Variants in RRAS2 observed in about 807,000 individuals in gnomAD.
RRAS2 encodes ras-related protein R-Ras2.
In RRAS2, 7 loss-of-function variants were observed where a neutral mutation model predicts 27.6. That is an observed-to-expected ratio of 0.25 (90% CI 0.14 to 0.48). The LOEUF is 0.48. Among genes scored for constraint, RRAS2 ranks in the 20% least tolerant of loss-of-function variants. The probability of loss-of-function intolerance (pLI) is 0.99; values close to 1 mark genes in which losing one functional copy is unlikely to be tolerated. For missense variants in RRAS2, 178 were observed against 256.2 expected (o/e 0.69, Z 2.08); for synonymous variants, 86 against 90.9 (o/e 0.95, Z 0.31).
At chr11:14,297,422 T>C (rs1462624907) in intron 1 of RRAS2, among the ~76,000 whole-genome samples, 2 of 152,198 alleles carry the variant, frequency 1.3e-5, no homozygotes, top group Non-Finnish European at 2.9e-5. Context: ...ATCTGCCTGA[T>C]ACCATGACTT....
intron 1 of RRAS2, among the ~76,000 whole-genome samples, chr11:14,316,976 C>T (rs1214403088): frequency 6.6e-6 from 1 of 152,088 alleles, no homozygotes; most frequent in Non-Finnish European, 1.5e-5. Flanking sequence ...AGGAGGATGA[C>T]ATCAATTAGA....
chr11:14,314,294 A>C (rs1304298211), intron 1 of RRAS2, among the ~76,000 whole-genome samples: 6 of 152,230 alleles, frequency 3.9e-5, no homozygotes, highest in Non-Finnish European at 7.3e-5. Context: ...AAACATACAA[A>C]TGGGAACTAC....
chr11:14,350,852 A>G (rs549847248), intron 1 of RRAS2, among the ~76,000 whole-genome samples: 2 of 152,352 alleles, frequency 1.3e-5, no homozygotes, highest in South Asian at 4.1e-4. Context: ...ACAAGTGAAC[A>G]ACATATCCAA....
At chr11:14,341,034 T>C (rs1848693942) in intron 1 of RRAS2, among the ~76,000 whole-genome samples, 1 of 152,206 alleles carries the variant, frequency 6.6e-6, no homozygotes, top group African/African-American at 2.4e-5. Context: ...ACGGCATTTT[T>C]TCTAATCCCA....
At chr11:14,311,929 G>A (rs1302671408) in intron 1 of RRAS2, among the ~76,000 whole-genome samples, 1 of 150,954 alleles carries the variant, frequency 6.6e-6, no homozygotes, top group East Asian at 2.0e-4. Flanking sequence ...CAATGGCTCA[G>A]TCTCGGCTCA....
At chr11:14,313,859 T>A (rs576249157) in intron 1 of RRAS2, among the ~76,000 whole-genome samples, 14 of 152,290 alleles carry the variant, frequency 9.2e-5, no homozygotes, top group African/African-American at 3.4e-4. Context: ...ACCACCAAGT[T>A]TGAGGTGGTT....
chr11:14,346,539 A>G (rs1200513017), intron 1 of RRAS2, among the ~76,000 whole-genome samples: 2 of 152,254 alleles, frequency 1.3e-5, no homozygotes, highest in Non-Finnish European at 1.5e-5. Flanking sequence ...TTGGGACCCA[A>G]TAATTTTATA....
In RRAS2 at chr11:14,294,784, A is replaced by C; in HGVS notation, c.275T>G (p.Val92Gly). The C allele has an allele frequency of 6.2e-7, 1 of 1,613,792 alleles. No homozygotes were observed. The highest frequency in any genetic ancestry group is 8.5e-7 in the Non-Finnish European group (1 of 1,179,896). The change falls in exon 3 of 6, where the codon GTC (valine) becomes GGC (glycine). Residue 92 changes from valine (V) to glycine (G), a missense_variant. Physicochemically the swap from Val to Gly is moderately radical, Grantham distance 109. Coordinates refer to ENST00000256196, the MANE Select transcript of RRAS2 (RefSeq NM_012250.6). The part of the protein sequence containing the change: ...YMRTGEGFLL[V>G]FSVTDRGSFE... ...CCTGCCTCTATCTGTGACTGAAAAG[A>C]CCAACAGGAAGCCTTCGCCAGTCCT...
At chr11:14,334,733 T>C (rs1554952376) in intron 1 of RRAS2, among the ~76,000 whole-genome samples, 1 of 152,198 alleles carries the variant, frequency 6.6e-6, no homozygotes, top group Non-Finnish European at 1.5e-5. Flanking sequence ...GCCCATCTTT[T>C]ATCCTTCAGT....
At chr11:14,360,807 G>A (rs1473204723), upstream of RRAS2, among the ~76,000 whole-genome samples, 1 of 151,734 alleles carries the variant, frequency 6.6e-6, no homozygotes, top group East Asian at 1.9e-4. Flanking sequence ...TGTACTCTCC[G>A]CTACTCCGGA....
At position 14,359,006 on chromosome 11, in the gene RRAS2, T is replaced by TGG; in HGVS notation, c.-138_-137dup. The TGG allele has an allele frequency of 8.8e-7, 1 of 1,136,418 alleles. No individual in the cohort carries two copies. The highest frequency in any genetic ancestry group is 1.1e-6 in the Non-Finnish European group (1 of 928,274). The allele number at this position is 1,136,418 out of a possible 1,614,324, so 70.4% of individuals were successfully genotyped here. On this transcript the variant is annotated 5_prime_UTR_variant, in exon 1 of 6. Transcript: ENST00000256196. ...GGGGTCCCGGGTACCGGGAGGCGTCTGGAGGGCCGGTCAGCGCGGTAGCGC... is the reference window on the plus strand; with the variant it reads ...GGGGTCCCGGGTACCGGGAGGCGTCTGGGGAGGGCCGGTCAGCGCGGTAGCGC...
intron 4 of RRAS2, among the ~76,000 whole-genome samples, chr11:14,290,293 T>TA (rs1221873441): frequency 6.6e-6 from 1 of 151,894 alleles, no homozygotes; most frequent in African/African-American, 2.4e-5. Flanking sequence ...ACTAAAAATA[T>TA]AAAAAATTAG....
In RRAS2 at chr11:14,352,624, C is replaced by G. The variant is rs1224255277; in HGVS notation, c.108+6139G>C. On this transcript the variant is annotated intron_variant, in intron 1 of 5. Coordinates refer to ENST00000256196, the MANE Select transcript of RRAS2 (RefSeq NM_012250.6). ...TTATCACTTTTCATTAAGGAAGGCA[C>G]GGTGGAATTAATATCCTAAAGACCA... 5.3e-5 allele frequency among the ~76,000 whole-genome samples: 8 copies of G among 150,100 alleles called. No individual in the cohort carries two copies. The South Asian group carries it at 1.7e-3, about 32-fold the overall frequency.
intron 1 of RRAS2, among the ~76,000 whole-genome samples, chr11:14,354,742 C>A (rs542443124): frequency 1.2e-3 from 156 of 133,828 alleles, no homozygotes; most frequent in Non-Finnish European, 1.8e-3. Context: ...AGTGGCGCAA[C>A]CTTGACTCAC....
chr11:14,292,890 A>G (rs1591447812), intron 4 of RRAS2, among the ~76,000 whole-genome samples: 3 of 151,700 alleles, frequency 2.0e-5, no homozygotes, highest in Admixed American at 2.0e-4. Context: ...GGTGGATCAC[A>G]AGTTCAGGAG....
At chr11:14,308,845 G>A (rs1554948461) in intron 1 of RRAS2, among the ~76,000 whole-genome samples, 1 of 152,138 alleles carries the variant, frequency 6.6e-6, no homozygotes, top group East Asian at 1.9e-4. Flanking sequence ...GTATTTTAGA[G>A]GCAGTCAGAC....
chr11:14,320,348 C>A (rs553329729), intron 1 of RRAS2, among the ~76,000 whole-genome samples: 1 of 152,158 alleles, frequency 6.6e-6, no homozygotes, highest in African/African-American at 2.4e-5. Context: ...TAGCAGTATG[C>A]CTAGAATGAC....
intron 1 of RRAS2, among the ~76,000 whole-genome samples, chr11:14,347,015 C>T (rs1455321488): frequency 2.6e-5 from 4 of 151,958 alleles, no homozygotes; most frequent in African/African-American, 2.4e-5. Context: ...AAAAGTTAGA[C>T]GGGCATGGTG....
intron 4 of RRAS2, among the ~76,000 whole-genome samples, chr11:14,283,518 G>A (rs541686014): frequency 9.2e-5 from 14 of 152,222 alleles, no homozygotes; most frequent in Admixed American, 3.9e-4. Flanking sequence ...ATAATTCACC[G>A]GCAAATCTAT....
Sources: allele counts gnomAD v4.1 joint callset (sites outside exome capture counted in the v4.1 genomes callset), GRCh38; gene constraint gnomAD v4.1.1; transcripts MANE v1.5; gene names NCBI Gene and HGNC (gene_info 2026-07-23, HGNC 2026-07-21).